MACF1: variants seen among roughly 807,000 people sequenced by gnomAD.
MACF1 encodes the protein microtubule-actin cross-linking factor 1.
A neutral mutation model predicts 854.8 loss-of-function variants in MACF1; 193 were observed. The ratio of observed to expected loss-of-function variants is 0.23; its 90% CI spans 0.20 to 0.25. The LOEUF (loss-of-function observed/expected upper bound fraction) is 0.25, where lower values mean the gene tolerates loss of function less well. MACF1 is among the 10% of genes least tolerant of loss of function. The pLI, the probability that MACF1 is intolerant of heterozygous loss-of-function variation, is 1.00. For missense variants in MACF1, 7,722 were observed against 8,929.1 expected (o/e 0.86, Z 5.45); for synonymous variants, 3,185 against 3,226.7 (o/e 0.99, Z 0.44).
intron 2 of MACF1, among the ~76,000 whole-genome samples, chr1:39,234,732 G>T (rs1186590347): frequency 6.6e-5 from 9 of 135,860 alleles, no homozygotes; most frequent in Middle Eastern, 3.7e-3. Flanking sequence ...GGGCGGAGGG[G>T]CTCCTCACTT....
At chr1:39,404,922 T>C (rs1305427282) in intron 58 of MACF1, among the ~76,000 whole-genome samples, 3 of 152,204 alleles carry the variant, frequency 2.0e-5, no homozygotes, top group Non-Finnish European at 4.4e-5. Context: ...CTGCCTTCCT[T>C]CTTCCCACCC....
intron 2 of MACF1, among the ~76,000 whole-genome samples, chr1:39,191,006 C>CA (rs901563193): frequency 2.6e-5 from 4 of 151,686 alleles, no homozygotes; most frequent in African/African-American, 9.7e-5. Flanking sequence ...AACAAACAAA[C>CA]AAAAAAACCC....
chr1:39,205,246 T>A, intron 1 of MACF1, 115 bp downstream of exon 1: 1 of 659,990 alleles, frequency 1.5e-6, no homozygotes, highest in Non-Finnish European at 2.7e-6. Context: ...GTCCTTCAGC[T>A]GGGGTGCTGT....
intron 58 of MACF1, among the ~76,000 whole-genome samples, chr1:39,418,071 A>G (rs1339281840): frequency 1.3e-5 from 2 of 152,188 alleles, no homozygotes; most frequent in Non-Finnish European, 2.9e-5. Context: ...AATGATGTCA[A>G]TGGATTTGAA....
chr1:39,378,420 C>A (rs756013681), intron 52 of MACF1, 41 bp from the exon 53 acceptor site: 2 of 1,486,344 alleles, frequency 1.3e-6, no homozygotes, highest in Non-Finnish European at 1.9e-6. Flanking sequence ...ATTCCTAACA[C>A]GTTGGTCTTG....
At chr1:39,421,474 A>G (rs1643535244) in intron 58 of MACF1, among the ~76,000 whole-genome samples, 1 of 152,110 alleles carries the variant, frequency 6.6e-6, no homozygotes, top group Non-Finnish European at 1.5e-5. Flanking sequence ...TTTCAAGATT[A>G]TTGTTGTGTG....
intron 15 of MACF1, among the ~76,000 whole-genome samples, chr1:39,291,397 T>G (rs1234096113): frequency 2.6e-5 from 4 of 152,276 alleles, no homozygotes; most frequent in African/African-American, 9.6e-5. Context: ...AACCCTTTTG[T>G]TTTATATTAA....
At chr1:39,477,782 A>ACTCTGTAACACAGTACAT (rs1474643860) in intron 97 of MACF1, among the ~76,000 whole-genome samples, 1 of 151,976 alleles carries the variant, frequency 6.6e-6, no homozygotes, top group African/African-American at 2.4e-5. Context: ...TGAGTACTTA[A>ACTCTGTAACACAGTACAT]GTGTCTCTGT....
At chr1:39,375,018 G>A (rs1426663832) in intron 52 of MACF1, among the ~76,000 whole-genome samples, 1 of 146,786 alleles carries the variant, frequency 6.8e-6, no homozygotes, top group African/African-American at 2.7e-5. Context: ...GCTGAGGCAG[G>A]AGAATGGCAT....
intron 2 of MACF1, among the ~76,000 whole-genome samples, chr1:39,161,795 A>G (rs2148209075): frequency 6.6e-6 from 1 of 151,678 alleles, no homozygotes. Flanking sequence ...TGAACCCGGG[A>G]GGCAGAGCTT....
intron 2 of MACF1, among the ~76,000 whole-genome samples, chr1:39,189,655 C>G (rs1644220266): frequency 1.3e-5 from 2 of 152,304 alleles, no homozygotes; most frequent in African/African-American, 2.4e-5. Context: ...ATACATTCTT[C>G]TAGTCCCAGG....
At position 39,239,849 on chromosome 1, in the gene MACF1, A is replaced by G. The variant is rs757021794; in HGVS notation, c.171+8606A>G. On this transcript the variant is annotated intron_variant, in intron 2 of 100. Coordinates refer to ENST00000564288, the MANE Select transcript of MACF1 (RefSeq NM_001394062.1). The stretch of plus-strand genomic sequence containing the variant: ...GGAATTTTAGATAAAATTTCCATAT[A>G]TACCAGCAAAAGTTTTCAAATTTTT... Among the ~76,000 whole-genome samples the G allele has an allele frequency of 8.5e-4, 129 of 152,344 alleles. 1 individual carries two copies. The highest frequency in any genetic ancestry group is 1.5e-3 in the Non-Finnish European group (99 of 68,028).
intron 6 of MACF1, among the ~76,000 whole-genome samples, chr1:39,271,368 C>T (rs1645316720): frequency 6.6e-6 from 1 of 152,060 alleles, no homozygotes; most frequent in South Asian, 2.1e-4. Context: ...TTTTAAATGA[C>T]CGAATCTCAT....
Position 39,485,548 on chromosome 1 carries a change from G to T in MACF1, c.22422G>T (p.Lys7474Asn). ...GAKTNRADPKKSASRPGSRAG... is the reference protein window; with the variant it reads ...GAKTNRADPKNSASRPGSRAG... ...ATTCTTGAATTCCAGACCCTAAAAA[G>T]TCTGCCAGTCGCCCTGGGAGTCGGG... Residue 7474 changes from lysine to asparagine, a missense_variant, in exon 101 of 101, where the codon AAG (lysine) becomes AAT (asparagine). This residue lies in a region of MACF1 where 185 missense variants were observed against 225.7 expected (regional missense o/e 0.82). Coordinates refer to ENST00000564288, the MANE Select transcript of MACF1 (RefSeq NM_001394062.1). The T allele has an allele frequency of 1.2e-6, 2 of 1,612,620 alleles. No homozygotes were observed. The highest frequency in any genetic ancestry group is 1.7e-6 in the Non-Finnish European group (2 of 1,179,408).
Position 39,123,725 on chromosome 1 carries a change from T to TG in MACF1, c.220+39287_220+39288insG, listed in dbSNP as rs200168222. Among the ~76,000 whole-genome samples the TG allele has an allele frequency of 8.0e-3, 1,109 of 139,094 alleles. 23 individuals are homozygous for TG. Among genetic ancestry groups the TG allele is most frequent in the African/African-American group, 0.026 (999 of 37,756 alleles). 91.3% of individuals were successfully genotyped at this position (139,094 alleles called of 152,430 possible). ...CGGCTAATTCTTGTTTTGTTTTTTT[T>TG]TTTTTTTTTTTTGTCCGAGGCAGAG... On this transcript the variant is annotated intron_variant, in intron 2 of 93. Coordinates refer to the MACF1 transcript ENST00000361689.
At chr1:39,421,171 T>C (rs1234931847) in intron 58 of MACF1, among the ~76,000 whole-genome samples, 1 of 152,212 alleles carries the variant, frequency 6.6e-6, no homozygotes, top group Admixed American at 6.5e-5. Context: ...GGCCACTTCA[T>C]ACTCTTAATG....
intron 81 of MACF1, 48 bp downstream of exon 81, chr1:39,447,635 A>G: frequency 6.2e-7 from 1 of 1,613,518 alleles, no homozygotes; most frequent in Non-Finnish European, 8.5e-7. Flanking sequence ...GCACTAATTG[A>G]AAGAAATGCC....
chr1:39,228,606 C>T (rs1356571255), intron 1 of MACF1, among the ~76,000 whole-genome samples: 4 of 152,204 alleles, frequency 2.6e-5, no homozygotes, highest in African/African-American at 7.2e-5. Context: ...TAGATACTTT[C>T]AAGACTCCAT....
chr1:39,285,789 T>A (rs1571267756), intron 14 of MACF1, 31 bp downstream of exon 14: 2 of 1,609,552 alleles, frequency 1.2e-6, no homozygotes, highest in East Asian at 2.2e-5. Context: ...ATGGAGGGCT[T>A]GCTTGCTTAC....
Sources: allele counts gnomAD v4.1 joint callset (sites outside exome capture counted in the v4.1 genomes callset), GRCh38; gene constraint gnomAD v4.1.1; regional missense constraint gnomAD v4.1.1; transcripts MANE v1.5; gene names NCBI Gene and HGNC (gene_info 2026-07-23, HGNC 2026-07-21).